AKAP13: variants seen among roughly 807,000 people sequenced by gnomAD.
The protein encoded by AKAP13 is A-kinase anchor protein 13.
AKAP13 carries 80 observed loss-of-function variants against 264.5 expected under a neutral mutation model. That is an observed-to-expected ratio of 0.30 (90% CI 0.25 to 0.36). The LOEUF is 0.36. Ranked by LOEUF, AKAP13 falls within the 10% of genes least tolerant of loss-of-function variation. AKAP13 has a pLI of 1.00. For missense variants in AKAP13, 3,712 were observed against 3,435.2 expected (o/e 1.08, Z -2.01); for synonymous variants, 1,380 against 1,250.2 (o/e 1.10, Z -2.19).
rs143117456 is a variant in AKAP13, at chr15:85,628,717, C to G, written c.4162-10657C>G. On this transcript the variant is annotated intron_variant, in intron 8 of 36. Transcript: ENST00000394518. ...TTTTGATATTTAAAAAAATTGGTAT[C>G]CAGTTTCATATTTTACTTGTGTCAT... Among the ~76,000 whole-genome samples the G allele has an allele frequency of 6.3e-3, 957 of 152,128 alleles. 10 individuals carry two copies. The highest frequency in any genetic ancestry group is 0.022 in the African/African-American group (900 of 41,480).
intron 2 of AKAP13, among the ~76,000 whole-genome samples, chr15:85,497,493 GCA>G (rs1293430021): frequency 1.2e-4 from 19 of 152,178 alleles, no homozygotes; most frequent in Admixed American, 1.2e-3. Context: ...AGAGGAGGAA[GCA>G]CAGTCTTTGG....
intron 2 of AKAP13, among the ~76,000 whole-genome samples, chr15:85,491,788 T>C (rs2075737710): frequency 6.6e-6 from 1 of 152,164 alleles, no homozygotes; most frequent in Non-Finnish European, 1.5e-5. Flanking sequence ...TTGCATCACC[T>C]GTAACCTTTC....
At chr15:85,442,972 C>T (rs565885535) in intron 1 of AKAP13, among the ~76,000 whole-genome samples, 15 of 152,260 alleles carry the variant, frequency 9.9e-5, no homozygotes, top group South Asian at 4.1e-4. Context: ...CTTCATCCTC[C>T]CTAACTCCCT....
Position 85,579,940 on chromosome 15 carries a change from G to A in AKAP13, c.1872G>A (p.Gly624=). The A allele has an allele frequency of 6.2e-7, 1 of 1,614,156 alleles. No homozygotes were observed. Among genetic ancestry groups the A allele is most frequent in the Non-Finnish European group, 8.5e-7 (1 of 1,180,012 alleles). ...AMSPSDLALL[G]LEEDVMPHQN... is the part of the protein sequence containing the mutation. The stretch of plus-strand genomic sequence containing the variant: ...CACCCTCAGATTTAGCCCTTCTTGG[G>A]CTGGAAGAAGATGTAATGCCACACC... The change falls in exon 7 of 37, where the codon GGG becomes GGA. Residue 624 remains glycine, a synonymous_variant. Coordinates refer to ENST00000394518, the MANE Select transcript of AKAP13 (RefSeq NM_007200.5).
At chr15:85,618,625 G>T (rs901544740) in intron 8 of AKAP13, among the ~76,000 whole-genome samples, 1 of 152,086 alleles carries the variant, frequency 6.6e-6, no homozygotes, top group Admixed American at 6.6e-5. Context: ...TAGATAGAGT[G>T]GGGGGCTAGA....
intron 5 of AKAP13, among the ~76,000 whole-genome samples, chr15:85,562,055 C>T (rs2078399727): frequency 6.6e-6 from 1 of 152,210 alleles, no homozygotes; most frequent in Admixed American, 6.5e-5. Flanking sequence ...CTACATTTCT[C>T]ACAACTTCAG....
chr15:85,387,317 T>C (rs932667860), intron 1 of AKAP13, among the ~76,000 whole-genome samples: 3 of 151,936 alleles, frequency 2.0e-5, no homozygotes, highest in African/African-American at 7.3e-5. Flanking sequence ...GCCTGGGTGA[T>C]AGAACGAGAG....
chr15:85,601,688 A>T (rs2080085490), intron 8 of AKAP13, among the ~76,000 whole-genome samples: 1 of 139,754 alleles, frequency 7.2e-6, no homozygotes, highest in African/African-American at 2.7e-5. Flanking sequence ...ATAACCCATC[A>T]GTTCTCAAAC....
intron 1 of AKAP13, among the ~76,000 whole-genome samples, chr15:85,419,915 A>G (rs1372009485): frequency 6.8e-6 from 1 of 147,104 alleles, no homozygotes; most frequent in African/African-American, 2.5e-5. Context: ...AGAAGGCTTA[A>G]GTGTCTGAAT....
chr15:85,419,138 A>G (rs1416746871), intron 1 of AKAP13, among the ~76,000 whole-genome samples: 1 of 152,240 alleles, frequency 6.6e-6, no homozygotes, highest in African/African-American at 2.4e-5. Context: ...CACAGTGGAC[A>G]CTGTTTGCTT....
At chr15:85,721,271 C>T (rs765482028) in intron 23 of AKAP13, among the ~76,000 whole-genome samples, 6 of 152,160 alleles carry the variant, frequency 3.9e-5, no homozygotes, top group Non-Finnish European at 8.8e-5. Flanking sequence ...GATAACTTAC[C>T]GTCCCTCTGT....
chr15:85,743,187 C>A (rs1035785150), intron 35 of AKAP13, among the ~76,000 whole-genome samples: 6 of 152,152 alleles, frequency 3.9e-5, no homozygotes, highest in Admixed American at 1.3e-4. Flanking sequence ...AATGGGAATT[C>A]TTTTCTAAGT....
In AKAP13 at chr15:85,746,584, T is replaced by C. The variant is rs2089375512; in HGVS notation, c.*1907T>C. ...TTTCTGTCATGGAGAATACTCACCCTTCAGAAACAGACCAAAGGCCAAAAC... is the reference window on the plus strand; with the variant it reads ...TTTCTGTCATGGAGAATACTCACCCCTCAGAAACAGACCAAAGGCCAAAAC... On this transcript the variant is annotated 3_prime_UTR_variant, in exon 37 of 37. Coordinates refer to ENST00000394518, the MANE Select transcript of AKAP13 (RefSeq NM_007200.5). 6.6e-6 allele frequency: 1 copy of C among 152,054 alleles called. No homozygotes were observed. Among genetic ancestry groups the C allele is most frequent in the African/African-American group, 2.4e-5 (1 of 41,410 alleles). The allele number at this position is 152,054 out of a possible 1,614,324, so 9.4% of individuals were successfully genotyped here.
intron 33 of AKAP13, among the ~76,000 whole-genome samples, chr15:85,736,415 CTGTTTTTTTGTTTGTT>C (rs1175474362): frequency 6.8e-5 from 9 of 131,890 alleles, no homozygotes; most frequent in Non-Finnish European, 1.4e-4. Context: ...AAGCCTCTTG[CTGTTTTTTTGTTTGTT>C]TGTTTGTTTG....
Position 85,415,694 on chromosome 15 carries a change from G to A in AKAP13, c.-12+34896G>A. ...AGAGAATGACCAAGCTCAGTTCAAT[G>A]AGCAAATCTCCATACCGTTTCTTTT... On this transcript the variant is annotated intron_variant, in intron 1 of 36. Transcript: ENST00000394518. 22 of 874,850 alleles carry A rather than the reference G, an allele frequency of 2.5e-5. No homozygotes were observed. In the South Asian group the frequency reaches 2.9e-4, roughly 12 times the overall value. 54.2% of individuals were successfully genotyped at this position (874,850 alleles called of 1,614,324 possible).
In AKAP13 at chr15:85,628,713, G is replaced by T. The variant is rs116832994; in HGVS notation, c.4162-10661G>T. Among the ~76,000 whole-genome samples the T allele has an allele frequency of 6.1e-3, 930 of 152,090 alleles. 7 individuals are homozygous for T. Among genetic ancestry groups the T allele is most frequent in the African/African-American group, 0.022 (892 of 41,478 alleles). The stretch of plus-strand genomic sequence containing the variant: ...AGCATTTTGATATTTAAAAAAATTG[G>T]TATCCAGTTTCATATTTTACTTGTG... On this transcript the variant is annotated intron_variant, in intron 8 of 36. Transcript: ENST00000394518.
intron 19 of AKAP13, 106 bp from the exon 20 acceptor site, chr15:85,715,682 G>A (rs948181726): frequency 8.7e-7 from 1 of 1,148,966 alleles, no homozygotes; most frequent in African/African-American, 1.6e-5. Context: ...CAGTTCCAGG[G>A]CAAATCCACT....
intron 17 of AKAP13, chr15:85,702,119 C>CT (rs1832247674): frequency 6.6e-6 from 1 of 152,064 alleles, no homozygotes; most frequent in Non-Finnish European, 1.5e-5. Context: ...ATGGTGGGCG[C>CT]TTGTAATCCC....
chr15:85,692,001 AT>A (rs974859906), intron 16 of AKAP13: 34 of 409,704 alleles, frequency 8.3e-5, no homozygotes, highest in Admixed American at 2.4e-4. Flanking sequence ...CTGGAACCCC[AT>A]TTTTTTAAAG....
Sources: gnomAD v4.1 joint callset for allele counts (sites outside exome capture counted in the v4.1 genomes callset) on GRCh38, gnomAD v4.1.1 for gene constraint, MANE v1.5 for transcripts, NCBI Gene and HGNC (gene_info 2026-07-23, HGNC 2026-07-21) for gene names.